NTNG1: variants seen among roughly 807,000 people sequenced by gnomAD.
NTNG1 encodes the protein netrin G1.
A neutral mutation model predicts 54.0 loss-of-function variants in NTNG1; 16 were observed. That is an observed-to-expected ratio of 0.30 (90% CI 0.20 to 0.45). NTNG1 has a LOEUF of 0.45. NTNG1 is among the 20% of genes least tolerant of loss of function. The pLI is 1.00. For missense variants in NTNG1, 530 were observed against 678.7 expected (o/e 0.78, Z 2.43); for synonymous variants, 255 against 263.1 (o/e 0.97, Z 0.30).
intron 2 of NTNG1, among the ~76,000 whole-genome samples, chr1:107,281,171 G>T (rs1664835708): frequency 6.6e-6 from 1 of 151,922 alleles, no homozygotes; most frequent in Admixed American, 6.6e-5. Flanking sequence ...CCATAAATGT[G>T]TTGAAATCTT....
At chr1:107,247,587 G>A (rs1662286579) in intron 2 of NTNG1, among the ~76,000 whole-genome samples, 1 of 152,074 alleles carries the variant, frequency 6.6e-6, no homozygotes, top group Non-Finnish European at 1.5e-5. Context: ...GTGAGTTTGG[G>A]TCCCAATCTT....
intron 4 of NTNG1, 71 bp from the exon 5 acceptor site, chr1:107,407,611 A>C (rs568535793): frequency 9.6e-6 from 12 of 1,254,916 alleles, no homozygotes; most frequent in African/African-American, 4.6e-5. Context: ...TAAGATTTTT[A>C]TATTAAGTTA....
At chr1:107,150,261 A>G (rs1304837570) in intron 2 of NTNG1, among the ~76,000 whole-genome samples, 1 of 152,198 alleles carries the variant, frequency 6.6e-6, no homozygotes, top group Non-Finnish European at 1.5e-5. Context: ...TTTGGAAAGC[A>G]GAGAGTTCCA....
chr1:107,453,891 T>G (rs187799972), intron 7 of NTNG1, among the ~76,000 whole-genome samples: 2 of 152,242 alleles, frequency 1.3e-5, no homozygotes, highest in East Asian at 3.9e-4. Context: ...CTCAGAGAAC[T>G]TAATATGCTC....
chr1:107,321,796 G>C (rs1667675375), intron 2 of NTNG1, among the ~76,000 whole-genome samples: 1 of 152,038 alleles, frequency 6.6e-6, no homozygotes, highest in Non-Finnish European at 1.5e-5. Flanking sequence ...CTCTCTACCA[G>C]CCAATCCTGT....
chr1:107,149,044 G>T (rs1654355670), intron 2 of NTNG1, among the ~76,000 whole-genome samples: 1 of 152,024 alleles, frequency 6.6e-6, no homozygotes, highest in Admixed American at 6.6e-5. Context: ...GCCCTGGAAG[G>T]AACTTACTTT....
At chr1:107,476,886 A>G (rs1363057277) in intron 7 of NTNG1, among the ~76,000 whole-genome samples, 1 of 152,234 alleles carries the variant, frequency 6.6e-6, no homozygotes, top group East Asian at 1.9e-4. Context: ...TCCATGCATC[A>G]TTCACTAATG....
intron 7 of NTNG1, among the ~76,000 whole-genome samples, chr1:107,467,959 T>A (rs1231667685): frequency 1.3e-5 from 2 of 152,214 alleles, no homozygotes; most frequent in African/African-American, 4.8e-5. Flanking sequence ...TGACACCAAT[T>A]CATTTTGCCT....
At chr1:107,376,432 A>C (rs75699327) in intron 3 of NTNG1, among the ~76,000 whole-genome samples, 6 of 150,120 alleles carry the variant, frequency 4.0e-5, no homozygotes, top group African/African-American at 1.5e-4. Context: ...AAAAAAACAA[A>C]AAAAAAAAAT....
intron 2 of NTNG1, among the ~76,000 whole-genome samples, chr1:107,186,273 G>A (rs1052496841): frequency 1.3e-5 from 2 of 152,032 alleles, no homozygotes; most frequent in African/African-American, 2.4e-5. Context: ...GCAAAACACC[G>A]TTATCTCTCA....
intron 2 of NTNG1, among the ~76,000 whole-genome samples, chr1:107,322,440 G>C (rs923816017): frequency 1.3e-5 from 2 of 152,058 alleles, no homozygotes; most frequent in South Asian, 2.1e-4. Context: ...AATTTCAAAT[G>C]AAGGTGTGAT....
At chr1:107,326,224 A>G (rs1389099813) in intron 3 of NTNG1, among the ~76,000 whole-genome samples, 2 of 152,086 alleles carry the variant, frequency 1.3e-5, no homozygotes, top group African/African-American at 2.4e-5. Context: ...CATGTTCCTC[A>G]TGGAAGAATC....
intron 3 of NTNG1, among the ~76,000 whole-genome samples, chr1:107,339,096 T>G (rs1668756218): frequency 6.6e-6 from 1 of 151,988 alleles, no homozygotes; most frequent in Non-Finnish European, 1.5e-5. Flanking sequence ...GAACCATTAT[T>G]ATTGCCCACC....
intron 5 of NTNG1, chr1:107,418,700 T>A (rs898885274): frequency 9.0e-7 from 1 of 1,115,352 alleles, no homozygotes; most frequent in South Asian, 1.4e-5. Context: ...TGGGGGAAAA[T>A]CCTATATGCC....
At chr1:107,157,521 A>G (rs1228379242) in intron 2 of NTNG1, among the ~76,000 whole-genome samples, 3 of 152,206 alleles carry the variant, frequency 2.0e-5, no homozygotes, top group Non-Finnish European at 4.4e-5. Context: ...GCCTTAGCAA[A>G]TAAATGAGGA....
At chr1:107,448,974 C>T (rs1437697113) in intron 7 of NTNG1, among the ~76,000 whole-genome samples, 1 of 151,970 alleles carries the variant, frequency 6.6e-6, no homozygotes, top group Non-Finnish European at 1.5e-5. Context: ...AAAAGATAAA[C>T]TTCTATTGGG....
chr1:107,267,149 C>T (rs1202475355), intron 2 of NTNG1, among the ~76,000 whole-genome samples: 1 of 152,184 alleles, frequency 6.6e-6, no homozygotes, highest in Non-Finnish European at 1.5e-5. Flanking sequence ...CATACTGAGC[C>T]TTCACCTTTG....
chr1:107,168,676 T>A (rs552048385), intron 2 of NTNG1, among the ~76,000 whole-genome samples: 42 of 152,272 alleles, frequency 2.8e-4, no homozygotes, highest in African/African-American at 9.1e-4. Context: ...ATTATATCTA[T>A]AGCAATATCT....
intron 2 of NTNG1, among the ~76,000 whole-genome samples, chr1:107,265,775 T>C (rs924218532): frequency 6.6e-6 from 1 of 152,200 alleles, no homozygotes; most frequent in Non-Finnish European, 1.5e-5. Flanking sequence ...AGAAATTATT[T>C]GTTTAAGAAA....
Sources: allele counts gnomAD v4.1 joint callset (sites outside exome capture counted in the v4.1 genomes callset), GRCh38; gene constraint gnomAD v4.1.1; transcripts MANE v1.5; gene names NCBI Gene and HGNC (gene_info 2026-07-23, HGNC 2026-07-21).